HIVEP3: variants seen among roughly 807,000 people sequenced by gnomAD.
HIVEP3 encodes the protein transcription factor HIVEP3.
In HIVEP3, 49 loss-of-function variants were observed where a neutral mutation model predicts 152.8. The observed-to-expected ratio is 0.32, with a 90% CI of 0.26 to 0.41. The LOEUF (loss-of-function observed/expected upper bound fraction) is 0.41, where lower values mean the gene tolerates loss of function less well. Among genes scored for constraint, HIVEP3 ranks in the 10% least tolerant of loss-of-function variants. The pLI, the probability that HIVEP3 is intolerant of heterozygous loss-of-function variation, is 1.00. For synonymous variants in HIVEP3, 1,269 were observed against 1,289.0 expected, an observed-to-expected ratio of 0.98 and a Z score of 0.33; for missense variants, 2,790 against 3,103.3, an observed-to-expected ratio of 0.90 and a Z score of 2.40.
intron 1 of HIVEP3, among the ~76,000 whole-genome samples, chr1:41,859,705 C>T (rs188699714): frequency 2.0e-5 from 3 of 152,344 alleles, no homozygotes; most frequent in Non-Finnish European, 4.4e-5. Flanking sequence ...ACGCTGACTG[C>T]TAACCTTTAG....
At chr1:41,992,290 T>C (rs1645366902) in intron 1 of HIVEP3, among the ~76,000 whole-genome samples, 1 of 152,102 alleles carries the variant, frequency 6.6e-6, no homozygotes, top group Non-Finnish European at 1.5e-5. Context: ...GATAAGCAAC[T>C]TCAGCAAAGT....
chr1:41,819,318 C>A (rs1642515515), intron 1 of HIVEP3, among the ~76,000 whole-genome samples: 1 of 152,014 alleles, frequency 6.6e-6, no homozygotes, highest in African/African-American at 2.4e-5. Context: ...CTAATTGTTC[C>A]ATTTGTCTTT....
chr1:41,728,832 C>A (rs555132225), intron 1 of HIVEP3, among the ~76,000 whole-genome samples: 1 of 152,256 alleles, frequency 6.6e-6, no homozygotes, highest in South Asian at 2.1e-4. Context: ...GCAGCTGCTG[C>A]GGTGAAGGTG....
At chr1:42,021,233 G>T (rs1463183120) in intron 1 of HIVEP3, among the ~76,000 whole-genome samples, 1 of 152,150 alleles carries the variant, frequency 6.6e-6, no homozygotes, top group African/African-American at 2.4e-5. Flanking sequence ...AGATGGTGCT[G>T]GCTTGGACTA....
chr1:41,840,587 T>C (rs948378044), intron 1 of HIVEP3, among the ~76,000 whole-genome samples: 2 of 152,216 alleles, frequency 1.3e-5, no homozygotes, highest in African/African-American at 4.8e-5. Context: ...GCTAATTTAT[T>C]ATGGCAGCCA....
chr1:41,947,175 G>C (rs11803042), intron 1 of HIVEP3, among the ~76,000 whole-genome samples: 9,063 of 152,228 alleles, frequency 0.06, 939 homozygotes, highest in African/African-American at 0.21. Flanking sequence ...CCAGGAATTA[G>C]CCCAAGACTT....
At chr1:41,826,753 C>T (rs766585674) in intron 1 of HIVEP3, among the ~76,000 whole-genome samples, 1 of 152,196 alleles carries the variant, frequency 6.6e-6, no homozygotes, top group African/African-American at 2.4e-5. Context: ...TCTTACAGTT[C>T]ATTCATTCTA....
At chr1:41,951,274 G>C (rs1048515062) in intron 1 of HIVEP3, among the ~76,000 whole-genome samples, 4 of 152,210 alleles carry the variant, frequency 2.6e-5, no homozygotes, top group Non-Finnish European at 4.4e-5. Context: ...TGGTGATAGA[G>C]TTCATAACAT....
chr1:41,659,309 C>A (rs1285386508), intron 2 of HIVEP3, among the ~76,000 whole-genome samples: 1 of 152,188 alleles, frequency 6.6e-6, no homozygotes, highest in African/African-American at 2.4e-5. Flanking sequence ...GTAGCTTCTC[C>A]CATTCCTCCC....
At chr1:41,531,864 AGG>A in intron 5 of HIVEP3, among the ~76,000 whole-genome samples, 1 of 118,604 alleles carries the variant, frequency 8.4e-6, no homozygotes, top group Non-Finnish European at 1.8e-5. Flanking sequence ...CGGGAGATGG[AGG>A]ACAGGAGAGA....
At chr1:41,716,459 C>T (rs1036687828) in intron 1 of HIVEP3, among the ~76,000 whole-genome samples, 2 of 152,186 alleles carry the variant, frequency 1.3e-5, no homozygotes, top group African/African-American at 4.8e-5. Flanking sequence ...CCACCATGTA[C>T]AGAAGGAGCT....
intron 3 of HIVEP3, among the ~76,000 whole-genome samples, chr1:41,620,441 G>A (rs77174549): frequency 0.028 from 4,233 of 152,124 alleles, 77 homozygotes; most frequent in Middle Eastern, 0.054. Flanking sequence ...CTCCTGTCCT[G>A]CCCTACCTCT....
intron 5 of HIVEP3, among the ~76,000 whole-genome samples, chr1:41,528,883 TCA>T (rs1338839341): frequency 1.9e-5 from 2 of 104,002 alleles, no homozygotes; most frequent in East Asian, 3.1e-4. Context: ...ACTTCCACCC[TCA>T]CACCTTCACT....
At position 41,580,320 on chromosome 1, in the gene HIVEP3, C is replaced by T; in HGVS notation, c.4478G>A (p.Arg1493Lys). 1.9e-6 allele frequency: 3 copies of T among 1,614,204 alleles called. No homozygotes were observed. Among genetic ancestry groups the T allele is most frequent in the Non-Finnish European group, 2.5e-6 (3 of 1,180,034 alleles). The change falls in exon 4 of 9, where the codon AGG becomes AAG. Residue 1493 changes from arginine (R) to lysine (K), a missense_variant. Around this residue, in one of 9 missense-constraint regions of HIVEP3, gnomAD observed 1,078 missense variants for 1,165.3 expected, o/e 0.93. Coordinates refer to ENST00000372583, the MANE Select transcript of HIVEP3 (RefSeq NM_024503.5). ...KSHLGNQGQG[R>K]RELEMLSSLS... ...GCTGGACAGCATTTCTAGCTCCCTC[C>T]TGCCTTGGCCCTGGTTGCCTAAGTG...
chr1:41,776,130 G>A (rs149171005), intron 1 of HIVEP3, among the ~76,000 whole-genome samples: 2,246 of 152,308 alleles, frequency 0.015, 24 homozygotes, highest in Non-Finnish European at 0.019. Flanking sequence ...CAGTCAGAAC[G>A]TGAACAAAAG....
chr1:41,836,161 A>G (rs1015686278), intron 1 of HIVEP3, among the ~76,000 whole-genome samples: 2 of 152,210 alleles, frequency 1.3e-5, no homozygotes, highest in Non-Finnish European at 2.9e-5. Context: ...GCCAAAGACA[A>G]TGACCTTCAG....
intron 5 of HIVEP3, among the ~76,000 whole-genome samples, chr1:41,553,789 A>C (rs979506943): frequency 6.6e-6 from 1 of 152,226 alleles, no homozygotes; most frequent in African/African-American, 2.4e-5. Context: ...TTCTGGGTTG[A>C]AAATTCTTTT....
intron 1 of HIVEP3, among the ~76,000 whole-genome samples, chr1:41,805,606 C>A (rs145849059): frequency 6.6e-6 from 1 of 152,130 alleles, no homozygotes; most frequent in Admixed American, 6.5e-5. Context: ...GCAGTGAGGA[C>A]GAAGCTGGCA....
At chr1:41,938,448 G>A (rs1645030184) in intron 1 of HIVEP3, among the ~76,000 whole-genome samples, 1 of 152,220 alleles carries the variant, frequency 6.6e-6, no homozygotes, top group Admixed American at 6.5e-5. Context: ...CCAGGAGAAG[G>A]AGGAAGGTCA....
Sources: gnomAD v4.1 joint callset for allele counts (sites outside exome capture counted in the v4.1 genomes callset) on GRCh38, gnomAD v4.1.1 for gene constraint, gnomAD v4.1.1 regional missense constraint, MANE v1.5 for transcripts, NCBI Gene and HGNC (gene_info 2026-07-23, HGNC 2026-07-21) for gene names.